Variants in ABCD4 observed in about 807,000 individuals in gnomAD.
ABCD4 encodes ATP binding cassette subfamily D member 4, also known as lysosomal cobalamin transporter ABCD4.
ABCD4 carries 53 observed loss-of-function variants against 86.3 expected under a neutral mutation model. The ratio of observed to expected loss-of-function variants is 0.61; its 90% CI spans 0.49 to 0.77. ABCD4 has a LOEUF of 0.77. Ranked by LOEUF, ABCD4 falls within the 30% of genes least tolerant of loss-of-function variation. The pLI is 0.00. For synonymous variants in ABCD4, 328 were observed against 313.6 expected, an observed-to-expected ratio of 1.05 and a Z score of -0.49; for missense variants, 757 against 764.5, an observed-to-expected ratio of 0.99 and a Z score of 0.12.
At chr14:74,298,208 CT>C (rs2083383305) in intron 3 of ABCD4, 139 bp from the exon 4 acceptor site, 1 of 1,440,308 alleles carries the variant, frequency 6.9e-7, no homozygotes, top group Non-Finnish European at 9.1e-7. Context: ...CAGCACTTTT[CT>C]TTTTTAAATC....
intron 11 of ABCD4, 93 bp downstream of exon 11, chr14:74,292,194 C>A: frequency 1.7e-6 from 2 of 1,189,242 alleles, no homozygotes; most frequent in Non-Finnish European, 2.5e-6. Flanking sequence ...ACTCTGCTGC[C>A]CAGCTGGGAA....
At chr14:74,289,803 T>A in intron 13 of ABCD4, 1 of 1,437,492 alleles carries the variant, frequency 7.0e-7, no homozygotes, top group Non-Finnish European at 9.1e-7. Context: ...TTGGCGTGAG[T>A]CCTTGCCCCA....
rs1490605424 is a variant in ABCD4, at chr14:74,290,333, A to C, written c.1285T>G (p.Ser429Ala). 1.9e-6 allele frequency: 3 copies of C among 1,614,104 alleles called. No individual in the cohort carries two copies. In the South Asian group the frequency reaches 3.3e-5, roughly 18 times the overall value. ...ITGNTGTGKT[S>A]LLRVLGGLWT... The stretch of plus-strand genomic sequence containing the variant: ...AGGCCACCCAGAACCCGGAGCAAGG[A>C]GGTCTTGCCAGTGCCCGTGTTGCCT... The change falls in exon 12 of 19, where the codon TCC (serine) becomes GCC (alanine). Residue 429 changes from serine to alanine, a missense_variant. Ser to Ala is a moderately conservative substitution (Grantham distance 99). Coordinates refer to ENST00000356924, the MANE Select transcript of ABCD4 (RefSeq NM_005050.4).
Position 74,300,251 on chromosome 14 carries a change from T to C in ABCD4, c.56A>G (p.Gln19Arg), listed in dbSNP as rs1372634525. The C allele has an allele frequency of 1.1e-5, 17 of 1,613,206 alleles. No individual in the cohort carries two copies. Among genetic ancestry groups the C allele is most frequent in the Non-Finnish European group, 1.4e-5 (16 of 1,179,482 alleles). ...TATCTGCAGGAACCGCTGGAGAAAT[T>C]GCAGATCTAACCTGGGCCTGAAGAG... ...GAGARPRLDLQFLQRFLQILK... is the reference protein window; with the variant it reads ...GAGARPRLDLRFLQRFLQILK... The change falls in exon 2 of 19, where the codon CAA becomes CGA. Residue 19 changes from glutamine (Q) to arginine (R), a missense_variant. Physicochemically the swap from Gln to Arg is conservative, Grantham distance 43 (BLOSUM62 1). Coordinates refer to ENST00000356924, the MANE Select transcript of ABCD4 (RefSeq NM_005050.4).
Position 74,290,445 on chromosome 14 carries a change from C to T in ABCD4, c.1173G>A (p.Arg391=). 1.2e-6 allele frequency: 2 copies of T among 1,614,026 alleles called. No homozygotes were observed. Among genetic ancestry groups the T allele is most frequent in the Non-Finnish European group, 1.7e-6 (2 of 1,180,018 alleles). ...EPADTAFLLE[R]VSISAPSSDK... ...CAGAGGAGGGGGCAGAGATGGAGACCCGCTCAAGGAGAAATGCTGTGTCTG... is the reference window on the plus strand; with the variant it reads ...CAGAGGAGGGGGCAGAGATGGAGACTCGCTCAAGGAGAAATGCTGTGTCTG... The change falls in exon 12 of 19, where the codon CGG becomes CGA. Residue 391 remains arginine (R), a synonymous_variant. Coordinates refer to ENST00000356924, the MANE Select transcript of ABCD4 (RefSeq NM_005050.4).
Position 74,296,327 on chromosome 14 carries a change from C to T in ABCD4, c.542+6G>A, listed in dbSNP as rs745487022. 6.8e-6 allele frequency: 11 copies of T among 1,613,364 alleles called. No homozygotes were observed. Among genetic ancestry groups the T allele is most frequent in the East Asian group, 4.5e-5 (2 of 44,884 alleles). Reference sequence around the variant, plus strand: ...AACACCAGGCTGGGGAGGAGGGAGGCTTCACCTTTGGAAGCACTGGTAAGT... The same window carrying T: ...AACACCAGGCTGGGGAGGAGGGAGGTTTCACCTTTGGAAGCACTGGTAAGT... On this transcript the variant is annotated splice_donor_region_variant and intron_variant, in intron 5 of 18. Coordinates refer to ENST00000356924, the MANE Select transcript of ABCD4 (RefSeq NM_005050.4).
chr14:74,299,906 T>C (rs748297162), intron 2 of ABCD4: 1 of 581,788 alleles, frequency 1.7e-6, no homozygotes. Context: ...TACTGAAAAA[T>C]ACAAAGTTTA....
intron 4 of ABCD4, chr14:74,297,462 C>T (rs1470027662): frequency 1.3e-5 from 2 of 152,472 alleles, no homozygotes; most frequent in African/African-American, 4.8e-5. Context: ...CTAGCAAGGA[C>T]ATTTTCTTTA....
intron 1 of ABCD4, among the ~76,000 whole-genome samples, chr14:74,300,820 G>A (rs1306652838): frequency 6.6e-6 from 1 of 152,058 alleles, no homozygotes; most frequent in Non-Finnish European, 1.5e-5. Flanking sequence ...AGACTTGGAG[G>A]TGGTATCTGC....
chr14:74,298,499 G>A (rs879613721), intron 3 of ABCD4, among the ~76,000 whole-genome samples: 7 of 152,116 alleles, frequency 4.6e-5, no homozygotes, highest in Non-Finnish European at 7.4e-5. Flanking sequence ...TGGAACTCCC[G>A]ACCTCAGGTG....
chr14:74,300,125 C>T, intron 2 of ABCD4, 25 bp downstream of exon 2: 1 of 1,409,298 alleles, frequency 7.1e-7, no homozygotes, highest in Non-Finnish European at 1.0e-6. Flanking sequence ...CCCCTCCCTC[C>T]TCTAGTCTGG....
rs4148076 is a variant in ABCD4, at chr14:74,294,908, C to T, written c.719+240G>A. The stretch of plus-strand genomic sequence containing the variant: ...TCATTCATTTGACAATTTCAGGCCC[C>T]ACGCTAGGCCACTAAGACTAAAGCT... On this transcript the variant is annotated intron_variant, in intron 7 of 18. Coordinates refer to ENST00000356924, the MANE Select transcript of ABCD4 (RefSeq NM_005050.4). 9,309 of 550,174 alleles carry T rather than the reference C, an allele frequency of 0.017. 213 individuals are homozygous for T. The highest frequency in any genetic ancestry group is 0.095 in the Admixed American group (2,967 of 31,086). 34.1% of individuals were successfully genotyped at this position (550,174 alleles called of 1,614,324 possible). A position where few individuals can be genotyped will look rare whatever the true frequency, so the allele number is the denominator to read the frequency against.
chr14:74,294,790 T>C lies in ABCD4; in HGVS notation c.719+358A>G, dbSNP rs2082417353. 8 of 264,098 alleles carry C rather than the reference T, an allele frequency of 3.0e-5. No homozygotes were observed. The South Asian group carries it at 4.9e-4, about 16-fold the overall frequency. 16.4% of individuals were successfully genotyped at this position (264,098 alleles called of 1,614,324 possible). A position where few individuals can be genotyped will look rare whatever the true frequency, so the allele number is the denominator to read the frequency against. On this transcript the variant is annotated intron_variant, in intron 7 of 18. Transcript: ENST00000356924. ...ACGCTACGGAGACAAAGGATCAGGCTTGAACCTCAGGCACTGGCAAGAAAG... is the reference window on the plus strand; with the variant it reads ...ACGCTACGGAGACAAAGGATCAGGCCTGAACCTCAGGCACTGGCAAGAAAG...
At chr14:74,298,267 C>T (rs1000015845) in intron 3 of ABCD4, among the ~76,000 whole-genome samples, 198 bp from the exon 4 acceptor site, 5 of 152,104 alleles carry the variant, frequency 3.3e-5, no homozygotes, top group African/African-American at 4.8e-5. Flanking sequence ...GTGTTCATTC[C>T]TTCACCAAAT....
intron 15 of ABCD4, 139 bp from the exon 16 acceptor site, chr14:74,288,398 G>T (rs1331098612): frequency 2.5e-6 from 2 of 797,286 alleles, no homozygotes; most frequent in Non-Finnish European, 4.0e-6. Context: ...CCAAGGCGGG[G>T]GACTGTGGGA....
rs2083411328 is a variant in ABCD4 at position 74,298,305 on chromosome 14, CTT to C, written c.286-238_286-237del. Among the ~76,000 whole-genome samples the C allele has an allele frequency of 2.0e-5, 3 of 152,230 alleles. No homozygotes were observed. The Middle Eastern group carries it at 0.01, about 518-fold the overall frequency. ...TTTTTCTCTGAGATGGAGTTTTACTCTTGTTGCCCAGGCTGGAGTGCAATGGC... is the reference window on the plus strand; with the variant it reads ...TTTTTCTCTGAGATGGAGTTTTACTCGTTGCCCAGGCTGGAGTGCAATGGC... On this transcript the variant is annotated intron_variant, in intron 3 of 18. Transcript: ENST00000356924.
At chr14:74,297,404 G>A (rs1362044434) in intron 4 of ABCD4, 2 of 152,072 alleles carry the variant, frequency 1.3e-5, no homozygotes, top group African/African-American at 4.8e-5. Flanking sequence ...ACTGAGTCCT[G>A]GATAGTGGTA....
chr14:74,294,030 G>T (rs1212677500), intron 7 of ABCD4: 5 of 151,896 alleles, frequency 3.3e-5, no homozygotes, highest in Non-Finnish European at 7.3e-5. Context: ...ATGAGCAGAG[G>T]CTGCAGAATC....
chr14:74,299,379 G>A, intron 3 of ABCD4, 169 bp downstream of exon 3: 1 of 820,494 alleles, frequency 1.2e-6, no homozygotes, highest in Non-Finnish European at 1.9e-6. Flanking sequence ...TGGGCCAATA[G>A]CAAGATCAAC....
Sources: gnomAD v4.1 joint callset for allele counts (sites outside exome capture counted in the v4.1 genomes callset) on GRCh38, gnomAD v4.1.1 for gene constraint, MANE v1.5 for transcripts, NCBI Gene and HGNC (gene_info 2026-07-23, HGNC 2026-07-21) for gene names.